The following OCRL variants were observed in gnomAD, a reference collection of about 807,000 sequenced individuals.
OCRL encodes OCRL inositol polyphosphate-5-phosphatase.
A neutral mutation model predicts 78.9 loss-of-function variants in OCRL; 8 were observed. The observed-to-expected ratio is 0.10, with a 90% CI of 0.06 to 0.18. The LOEUF (loss-of-function observed/expected upper bound fraction) is 0.18, where lower values mean the gene tolerates loss of function less well. Among genes scored for constraint, OCRL ranks in the 10% least tolerant of loss-of-function variants. The pLI, the probability that OCRL is intolerant of heterozygous loss-of-function variation, is 1.00. For missense variants in OCRL, 454 were observed against 696.7 expected (o/e 0.65, Z 3.92); for synonymous variants, 240 against 235.4 (o/e 1.02, Z -0.18).
intron 1 of OCRL, 84 bp from the exon 2 acceptor site, chrX:129,540,660 G>GGT: frequency 3.7e-6 from 3 of 813,769 alleles, no homozygotes; most frequent in South Asian, 4.3e-5. Flanking sequence ...GCGGTGGGGG[G>GGT]GGGGTGGAAG....
chrX:129,589,092 G>A, intron 22 of OCRL, 79 bp downstream of exon 22: 1 of 1,084,223 alleles, frequency 9.2e-7, no homozygotes, highest in Non-Finnish European at 1.3e-6. Context: ...AGCCAGATAG[G>A]CAGCCAGCTG....
Position 129,567,130 on chromosome X carries a change from C to T in OCRL, c.1357-124C>T, listed in dbSNP as rs774157141. The T allele has an allele frequency of 2.1e-5, 11 of 522,951 alleles. No individual in the cohort carries two copies. In the East Asian group the frequency reaches 4.0e-4, roughly 19 times the overall value. The allele number at this position is 522,951 out of a possible 1,213,427, so 43.1% of individuals were successfully genotyped here. On this transcript the variant is annotated intron_variant, in intron 13 of 23. Transcript: ENST00000371113. ...TATAGAAATTTCATTTATGTACTCT[C>T]ACTACAGTTGTAAAGGTTGTGGAAC...
intron 22 of OCRL, chrX:129,589,589 G>C (rs1402509725): frequency 2.5e-6 from 1 of 398,734 alleles, no homozygotes; most frequent in African/African-American, 2.5e-5. Flanking sequence ...TTGTGAGGCA[G>C]GGTGTGCGTA....
intron 22 of OCRL, 49 bp from the exon 23 acceptor site, chrX:129,589,796 T>C: frequency 1.1e-6 from 1 of 904,881 alleles, no homozygotes; most frequent in Non-Finnish European, 1.6e-6. Context: ...CCTCTTACTT[T>C]CATCTTCCAC....
chrX:129,565,187 C>T (rs990163223), intron 12 of OCRL, among the ~76,000 whole-genome samples: 2 of 112,029 alleles, frequency 1.8e-5, no homozygotes, highest in African/African-American at 6.5e-5. Context: ...GTGGGGCTCT[C>T]AGCACATCTA....
At chrX:129,588,862 T>G (rs771584118) in intron 21 of OCRL, 24 bp from the exon 22 acceptor site, 3 of 1,210,760 alleles carry the variant, frequency 2.5e-6, no homozygotes, top group Non-Finnish European at 3.4e-6. Flanking sequence ...TGGAGCTCCT[T>G]TCCCTTGACT....
chrX:129,561,211 T>C lies in OCRL; in HGVS notation c.857T>C (p.Phe286Ser). 1 of 1,208,776 alleles carries C rather than the reference T, an allele frequency of 8.3e-7. No individual in the cohort carries two copies. The change falls in exon 10 of 24, where the codon TTC becomes TCC. Residue 286 changes from phenylalanine to serine, a missense_variant. Around this residue, in one of 2 missense-constraint regions of OCRL, gnomAD observed 277 missense variants for 517.1 expected, o/e 0.54. Transcript: ENST00000371113. ...FQELDLSTEA[F>S]FYFESVKEQE... ...GAACTGGACTTGAGCACAGAAGCCT[T>C]CTTCTACTTTGAATCTGTGAAGGAA...
intron 18 of OCRL, among the ~76,000 whole-genome samples, chrX:129,581,021 C>T (rs1028920440): frequency 8.0e-5 from 9 of 111,805 alleles, no homozygotes; most frequent in Non-Finnish European, 9.4e-5. Flanking sequence ...CGCGCCACCA[C>T]GCCTGGCTAA....
intron 12 of OCRL, 119 bp from the exon 13 acceptor site, chrX:129,565,652 CT>C (rs1469067319): frequency 9.0e-6 from 5 of 555,818 alleles, no homozygotes; most frequent in Non-Finnish European, 1.6e-5. Context: ...CTTTAAACCC[CT>C]TGTGAGATAG....
rs1024189905 is a variant in OCRL, at chrX:129,564,777, C to T, written c.1245-995C>T. ...AGGAGATATACCTAATGCTAAATGA[C>T]GAGTTAATGGGTGCAGCACACCAGC... is the stretch of plus-strand genomic sequence containing the variant. On this transcript the variant is annotated intron_variant, in intron 12 of 23. Transcript: ENST00000371113. 1.1e-4 allele frequency among the ~76,000 whole-genome samples: 12 copies of T among 110,056 alleles called. No individual in the cohort carries two copies. The East Asian group carries it at 2.0e-3, about 18-fold the overall frequency.
chrX:129,552,424 A>AT lies in OCRL; in HGVS notation c.238+3833dup, dbSNP rs768631396. Among the ~76,000 whole-genome samples the AT allele has an allele frequency of 1.9e-3, 207 of 108,219 alleles. 1 individual carries two copies. In the South Asian group the frequency reaches 0.025, roughly 13 times the overall value. 94.0% of individuals were successfully genotyped at this position (108,219 alleles called of 115,157 possible). A position where few individuals can be genotyped will look rare whatever the true frequency, so the allele number is the denominator to read the frequency against. On this transcript the variant is annotated intron_variant, in intron 4 of 23. Transcript: ENST00000371113. ...TAGTTTTAGTCATGTTTAGTTTGAG[A>AT]TTTTTTTTTTGTTTTTTGAGATGGA... is the stretch of plus-strand genomic sequence containing the variant.
intron 6 of OCRL, 127 bp from the exon 7 acceptor site, chrX:129,558,506 C>T: frequency 1.3e-6 from 1 of 791,499 alleles, no homozygotes; most frequent in South Asian, 2.3e-5. Flanking sequence ...GTAATTTCTA[C>T]CCTTATGATA....
At chrX:129,589,250 G>T (rs1411309754) in intron 22 of OCRL, 1 of 402,913 alleles carries the variant, frequency 2.5e-6, no homozygotes, top group African/African-American at 2.5e-5. Flanking sequence ...ACATAGTGGG[G>T]TGGATCCCTC....
chrX:129,590,165 TCTC>T lies in OCRL; in HGVS notation c.2604_2606del (p.Leu869del), dbSNP rs767104868. 1 of 1,211,215 alleles carries T rather than the reference TCTC, an allele frequency of 8.3e-7. No homozygotes were observed. Among genetic ancestry groups the T allele is most frequent in the South Asian group, 1.8e-5 (1 of 56,961 alleles). On this transcript the variant is annotated inframe_deletion, in exon 24 of 24. Coordinates refer to ENST00000371113, the MANE Select transcript of OCRL (RefSeq NM_000276.4). ...TTGTAGCTACTCTCTTCACTAGTCT[TCTC>T]CTGAGGCCTCCACCCAACCTTATGG... is the stretch of plus-strand genomic sequence containing the variant.
At chrX:129,544,093 CAG>C (rs1460913482) in intron 2 of OCRL, among the ~76,000 whole-genome samples, 1 of 110,837 alleles carries the variant, frequency 9.0e-6, no homozygotes, top group Non-Finnish European at 1.9e-5. Flanking sequence ...CGGAAAGAAA[CAG>C]AGTGTTCCTG....
intron 6 of OCRL, 48 bp from the exon 7 acceptor site, chrX:129,558,585 G>A: frequency 8.3e-7 from 1 of 1,200,818 alleles, no homozygotes; most frequent in African/African-American, 1.7e-5. Context: ...TGGATATGTT[G>A]GATGTTAGAT....
intron 15 of OCRL, 90 bp downstream of exon 15, chrX:129,569,489 C>G: frequency 1.0e-6 from 1 of 982,868 alleles, no homozygotes; most frequent in Non-Finnish European, 1.4e-6. Flanking sequence ...AGTAATTCAG[C>G]AAGCCATAAA....
At chrX:129,571,867 C>T (rs1440036237) in intron 15 of OCRL, among the ~76,000 whole-genome samples, 2 of 111,359 alleles carry the variant, frequency 1.8e-5, no homozygotes, top group Non-Finnish European at 3.8e-5. Flanking sequence ...TGTTCTGTCT[C>T]CTACTCCCAA....
chrX:129,575,833 A>G, intron 16 of OCRL, 64 bp from the exon 17 acceptor site: 1 of 1,143,727 alleles, frequency 8.7e-7, no homozygotes. Context: ...CCTCTATGGA[A>G]TAATCCAACT....
Sources: gnomAD v4.1 joint callset for allele counts (sites outside exome capture counted in the v4.1 genomes callset) on GRCh38, gnomAD v4.1.1 for gene constraint, gnomAD v4.1.1 regional missense constraint, MANE v1.5 for transcripts, NCBI Gene and HGNC (gene_info 2026-07-23, HGNC 2026-07-21) for gene names.